The following SPATA16 variants were observed in gnomAD, a reference collection of about 807,000 sequenced individuals.
SPATA16 encodes the protein spermatogenesis-associated protein 16.
In SPATA16, 36 loss-of-function variants were observed where a neutral mutation model predicts 63.3. The observed-to-expected ratio is 0.57, with a 90% CI of 0.44 to 0.75. The LOEUF is 0.75. SPATA16 is among the 30% of genes least tolerant of loss of function. The pLI is 0.00. For missense variants in SPATA16, 646 were observed against 679.3 expected (o/e 0.95, Z 0.54); for synonymous variants, 203 against 216.7 (o/e 0.94, Z 0.56).
At chr3:173,066,801 G>C (rs1736531456) in intron 2 of SPATA16, among the ~76,000 whole-genome samples, 1 of 152,040 alleles carries the variant, frequency 6.6e-6, no homozygotes, top group Non-Finnish European at 1.5e-5. Context: ...AGGAAAACAT[G>C]ACCTCATCAA....
chr3:173,040,790 A>G (rs1276970315), intron 3 of SPATA16, among the ~76,000 whole-genome samples: 1 of 152,134 alleles, frequency 6.6e-6, no homozygotes, highest in Non-Finnish European at 1.5e-5. Context: ...CCTTCTCAGG[A>G]AGTTAGTGGA....
At chr3:172,915,807 C>G (rs925361444) in intron 9 of SPATA16, among the ~76,000 whole-genome samples, 11 of 152,088 alleles carry the variant, frequency 7.2e-5, no homozygotes, top group African/African-American at 2.7e-4. Context: ...GCTATGTTTT[C>G]CCTTCAAATA....
At chr3:173,084,949 C>T (rs763957945) in intron 2 of SPATA16, among the ~76,000 whole-genome samples, 5 of 152,190 alleles carry the variant, frequency 3.3e-5, no homozygotes, top group East Asian at 1.9e-4. Flanking sequence ...AGTTGGATAG[C>T]GTGATGCCTC....
intron 4 of SPATA16, among the ~76,000 whole-genome samples, chr3:173,004,530 A>G (rs771688416): frequency 1.3e-5 from 2 of 151,868 alleles, no homozygotes; most frequent in Non-Finnish European, 2.9e-5. Context: ...TTCATCCTCT[A>G]TGTTAACAGT....
At chr3:173,086,254 C>T (rs1369633409) in intron 2 of SPATA16, among the ~76,000 whole-genome samples, 2 of 151,948 alleles carry the variant, frequency 1.3e-5, no homozygotes, top group Non-Finnish European at 2.9e-5. Context: ...CGTGGTACAA[C>T]CTTGGGTGGG....
rs528907206 is a variant in SPATA16, at chr3:172,925,044, AT to A, written c.1228+301del. Among the ~76,000 whole-genome samples the A allele has an allele frequency of 5.8e-4, 88 of 152,172 alleles. No individual in the cohort carries two copies. In the South Asian group the frequency reaches 0.018, roughly 32 times the overall value. On this transcript the variant is annotated intron_variant, in intron 7 of 10. Transcript: ENST00000351008. ...TTTCATATAGTAGTTTTATTGCATAATTTTCTTCTACCTCTGCTAATTGATA... is the reference window on the plus strand; with the variant it reads ...TTTCATATAGTAGTTTTATTGCATAATTTCTTCTACCTCTGCTAATTGATA...
At chr3:172,908,308 A>T (rs1732287887) in intron 10 of SPATA16, among the ~76,000 whole-genome samples, 1 of 151,906 alleles carries the variant, frequency 6.6e-6, no homozygotes, top group African/African-American at 2.4e-5. Context: ...ATAAAAATTT[A>T]CCTTTTTTTA....
intron 2 of SPATA16, among the ~76,000 whole-genome samples, chr3:173,063,448 A>G (rs1445059002): frequency 6.6e-6 from 1 of 152,196 alleles, no homozygotes; most frequent in Non-Finnish European, 1.5e-5. Context: ...CACGGTTCTT[A>G]TCAAGATCAC....
At chr3:173,030,239 A>G (rs1260043202) in intron 3 of SPATA16, among the ~76,000 whole-genome samples, 1 of 152,102 alleles carries the variant, frequency 6.6e-6, no homozygotes, top group South Asian at 2.1e-4. Context: ...GGACTGTATC[A>G]AAATTAAAAA....
chr3:172,914,161 A>C (rs953817051), intron 9 of SPATA16, among the ~76,000 whole-genome samples: 9 of 152,190 alleles, frequency 5.9e-5, no homozygotes, highest in African/African-American at 2.2e-4. Context: ...GGACAATACT[A>C]CAATTATGCT....
intron 2 of SPATA16, among the ~76,000 whole-genome samples, chr3:173,062,441 C>A (rs1489635732): frequency 6.6e-6 from 1 of 152,190 alleles, no homozygotes; most frequent in African/African-American, 2.4e-5. Context: ...TAATAGCTAG[C>A]ATTTACTGAG....
chr3:172,978,318 T>A (rs1050914706), intron 4 of SPATA16, among the ~76,000 whole-genome samples: 1 of 152,182 alleles, frequency 6.6e-6, no homozygotes, highest in Non-Finnish European at 1.5e-5. Flanking sequence ...GTTTTGATGT[T>A]GTGTGAATAT....
rs186876818 is a variant in SPATA16, at chr3:173,052,604, A to G, written c.613-3510T>C. Among the ~76,000 whole-genome samples, 4 of 152,356 alleles carry G rather than the reference A, an allele frequency of 2.6e-5. No individual in the cohort carries two copies. The East Asian group carries it at 7.7e-4, about 29-fold the overall frequency. Reference sequence around the variant, plus strand: ...TGAAGTTAAAGGTAGAGTTATAGGTACATGTAGACAAAATGTTGGCATCAG... The same window carrying G: ...TGAAGTTAAAGGTAGAGTTATAGGTGCATGTAGACAAAATGTTGGCATCAG... On this transcript the variant is annotated intron_variant, in intron 2 of 10. Coordinates refer to ENST00000351008, the MANE Select transcript of SPATA16 (RefSeq NM_031955.6).
intron 3 of SPATA16, among the ~76,000 whole-genome samples, chr3:173,034,128 A>G (rs1735664505): frequency 1.3e-5 from 2 of 152,194 alleles, no homozygotes; most frequent in African/African-American, 4.8e-5. Flanking sequence ...TGTTCCAGCC[A>G]CTGTTCAGGT....
chr3:172,893,601 T>C (rs553982626), intron 10 of SPATA16, among the ~76,000 whole-genome samples: 1 of 152,358 alleles, frequency 6.6e-6, no homozygotes, highest in Admixed American at 6.5e-5. Context: ...AGCCATAAAG[T>C]GAAGGGAAGA....
intron 3 of SPATA16, among the ~76,000 whole-genome samples, chr3:173,044,076 C>T (rs565245285): frequency 2.0e-5 from 3 of 152,036 alleles, no homozygotes; most frequent in South Asian, 2.1e-4. Context: ...TTCCTAGATG[C>T]GATCGTCTTT....
chr3:172,939,109 A>G (rs765240811), intron 6 of SPATA16, among the ~76,000 whole-genome samples: 21 of 152,100 alleles, frequency 1.4e-4, no homozygotes, highest in Non-Finnish European at 2.9e-4. Flanking sequence ...GCCAAAACCA[A>G]TGTATACTCT....
intron 2 of SPATA16, among the ~76,000 whole-genome samples, chr3:173,084,386 T>C (rs1363006805): frequency 2.0e-5 from 3 of 152,316 alleles, no homozygotes; most frequent in South Asian, 2.1e-4. Flanking sequence ...TCTTGTAAAT[T>C]TGTTGAAATT....
At chr3:173,046,276 A>T (rs1481573141) in intron 3 of SPATA16, among the ~76,000 whole-genome samples, 1 of 152,024 alleles carries the variant, frequency 6.6e-6, no homozygotes, top group East Asian at 1.9e-4. Context: ...AATAATACTT[A>T]TATATGCCAC....
Sources: gnomAD v4.1 joint callset for allele counts (sites outside exome capture counted in the v4.1 genomes callset) on GRCh38, gnomAD v4.1.1 for gene constraint, MANE v1.5 for transcripts, NCBI Gene and HGNC (gene_info 2026-07-23, HGNC 2026-07-21) for gene names.